The following EEFSEC variants were observed in gnomAD, a reference collection of about 807,000 sequenced individuals.
EEFSEC encodes eukaryotic elongation factor, selenocysteine-tRNA specific, also known as selenocysteine-specific elongation factor.
EEFSEC carries 43 observed loss-of-function variants against 42.1 expected under a neutral mutation model. The observed-to-expected ratio is 1.02, with a 90% CI of 0.80 to 1.32. The LOEUF (loss-of-function observed/expected upper bound fraction) is 1.32. Ranked by LOEUF, EEFSEC falls within the 40% of genes most tolerant of loss-of-function variation. The pLI, the probability that EEFSEC is intolerant of heterozygous loss-of-function variation, is 0.00. For missense variants in EEFSEC, 745 were observed against 803.6 expected (o/e 0.93, Z 0.88); for synonymous variants, 354 against 339.1 (o/e 1.04, Z -0.48).
chr3:128,264,506 C>T lies in EEFSEC; in HGVS notation c.622-111C>T, dbSNP rs889769406. The stretch of plus-strand genomic sequence containing the variant: ...AGGGCATGGACCTCTGAGCTGAGTT[C>T]ACCTTGGCAGCCTTGATGAACTGCT... On this transcript the variant is annotated intron_variant, in intron 3 of 6. Transcript: ENST00000254730. The T allele has an allele frequency of 4.7e-6, 6 of 1,288,746 alleles. No homozygotes were observed. The Admixed American group carries it at 8.2e-5, about 18-fold the overall frequency. 79.8% of individuals were successfully genotyped at this position (1,288,746 alleles called of 1,614,324 possible).
chr3:128,420,776 C>A, the EEFSEC span, among the ~76,000 whole-genome samples: 3 of 152,212 alleles, frequency 2.0e-5, no homozygotes, highest in Non-Finnish European at 2.9e-5. Flanking sequence ...CTCCTGCCAC[C>A]CTGGCTGGGC....
intron 1 of EEFSEC, among the ~76,000 whole-genome samples, chr3:128,162,320 G>A (rs1161128445): frequency 6.6e-6 from 1 of 152,192 alleles, no homozygotes; most frequent in African/African-American, 2.4e-5. Context: ...GCTGACACTG[G>A]AGTTGCTTGC....
At position 128,262,033 on chromosome 3, in the gene EEFSEC, A is replaced by C. The variant is rs1576589013; in HGVS notation, c.525-95A>C. On this transcript the variant is annotated intron_variant, in intron 2 of 6. Transcript: ENST00000254730. ...GATGTGGGGAGAGAAGAGGATGCTC[A>C]CTGCACTTGGTACTGTGCCAGGTGC... The C allele has an allele frequency of 5.4e-6, 6 of 1,110,116 alleles. No individual in the cohort carries two copies. In the South Asian group the frequency reaches 8.0e-5, roughly 15 times the overall value. 68.8% of individuals were successfully genotyped at this position (1,110,116 alleles called of 1,614,324 possible). A position where few individuals can be genotyped will look rare whatever the true frequency, so the allele number is the denominator to read the frequency against.
chr3:128,297,156 G>A (rs1232088218), intron 4 of EEFSEC, among the ~76,000 whole-genome samples: 1 of 152,046 alleles, frequency 6.6e-6, no homozygotes, highest in Non-Finnish European at 1.5e-5. Context: ...TGCCAACTTG[G>A]GCCTGAGAGG....
Position 128,190,629 on chromosome 3 carries a change from G to A in EEFSEC, c.316+36806G>A, listed in dbSNP as rs183906240. ...AAAATGTTTTTATTATAAATTTAGT[G>A]TTGTCTAAGTGTCCATTGTTTGTAG... On this transcript the variant is annotated intron_variant, in intron 1 of 6. Transcript: ENST00000254730. Among the ~76,000 whole-genome samples the A allele has an allele frequency of 2.4e-3, 358 of 152,210 alleles. 13 individuals carry two copies. The highest frequency in any genetic ancestry group is 3.4e-3 in the Middle Eastern group (1 of 292).
At chr3:128,198,570 G>A (rs1217945764) in intron 1 of EEFSEC, among the ~76,000 whole-genome samples, 2 of 152,202 alleles carry the variant, frequency 1.3e-5, no homozygotes, top group Non-Finnish European at 2.9e-5. Flanking sequence ...GTAAAAACCA[G>A]TGACAGGGCC....
intron 2 of EEFSEC, among the ~76,000 whole-genome samples, chr3:128,250,525 C>T (rs1043730226): frequency 5.3e-5 from 8 of 152,082 alleles, no homozygotes; most frequent in East Asian, 3.8e-4. Flanking sequence ...CCCCTTTTAA[C>T]TTTGTAAAAA....
chr3:128,338,646 A>G (rs1271529514), intron 4 of EEFSEC, among the ~76,000 whole-genome samples: 2 of 152,220 alleles, frequency 1.3e-5, no homozygotes, highest in Admixed American at 1.3e-4. Context: ...GATTCATTCA[A>G]GAGTCCCTTG....
At chr3:128,242,654 A>C (rs1303705023) in intron 1 of EEFSEC, among the ~76,000 whole-genome samples, 1 of 152,170 alleles carries the variant, frequency 6.6e-6, no homozygotes, top group Non-Finnish European at 1.5e-5. Flanking sequence ...TTAAATGCTG[A>C]CCCTTGTAAG....
intron 4 of EEFSEC, among the ~76,000 whole-genome samples, chr3:128,296,235 G>A (rs1415834480): frequency 2.0e-5 from 3 of 152,128 alleles, no homozygotes; most frequent in Non-Finnish European, 4.4e-5. Flanking sequence ...CGTAATCCAC[G>A]TAGGATCTTG....
intron 4 of EEFSEC, among the ~76,000 whole-genome samples, chr3:128,328,284 T>C (rs1322749845): frequency 4.6e-5 from 7 of 151,822 alleles, no homozygotes; most frequent in Non-Finnish European, 8.8e-5. Flanking sequence ...GGGAGGTGAG[T>C]GCAGGGGTGA....
the EEFSEC span, among the ~76,000 whole-genome samples, chr3:128,417,770 C>T: frequency 2.6e-5 from 4 of 152,214 alleles, no homozygotes; most frequent in East Asian, 7.7e-4. The surrounding 1 kb of genome is among the most constrained non-coding windows in gnomAD (Gnocchi z 4.3). Flanking sequence ...CTGTTACTGG[C>T]CACACTGTCC....
At chr3:128,161,366 T>G (rs1243189257) in intron 1 of EEFSEC, among the ~76,000 whole-genome samples, 2 of 152,186 alleles carry the variant, frequency 1.3e-5, no homozygotes, top group Non-Finnish European at 2.9e-5. Context: ...CTTGGCAATT[T>G]ATAGTCCTCT....
the EEFSEC span, among the ~76,000 whole-genome samples, chr3:128,421,682 G>GA: frequency 6.7e-6 from 1 of 149,506 alleles, no homozygotes; most frequent in African/African-American, 2.5e-5. Context: ...TGAGCGGGGT[G>GA]GGGGGGCGCA....
At chr3:128,165,400 A>G (rs1323596516) in intron 1 of EEFSEC, among the ~76,000 whole-genome samples, 1 of 152,058 alleles carries the variant, frequency 6.6e-6, no homozygotes, top group African/African-American at 2.4e-5. Flanking sequence ...TCTCCCCTCG[A>G]TTATTTGAGT....
chr3:128,387,183 CAG>C (rs1282091919), intron 6 of EEFSEC, among the ~76,000 whole-genome samples: 2 of 152,164 alleles, frequency 1.3e-5, no homozygotes, highest in African/African-American at 4.8e-5. Context: ...GCAGGGGTCA[CAG>C]GGGTATGGGA....
In EEFSEC at chr3:128,279,108, C is replaced by T. The variant is rs117072317; in HGVS notation, c.786+14327C>T. 6.4e-3 allele frequency among the ~76,000 whole-genome samples: 978 copies of T among 152,256 alleles called. 26 individuals carry two copies. In the East Asian group the frequency reaches 0.074, roughly 11 times the overall value. Reference sequence around the variant, plus strand: ...AGGGAAGGCCGGCCGCCAGAGGGAACGCTGCCAAGCAGAGCGCAGCTAATG... The same window carrying T: ...AGGGAAGGCCGGCCGCCAGAGGGAATGCTGCCAAGCAGAGCGCAGCTAATG... On this transcript the variant is annotated intron_variant, in intron 4 of 6. Transcript: ENST00000254730.
Position 128,244,493 on chromosome 3 carries a change from G to A in EEFSEC, c.317-2343G>A, listed in dbSNP as rs868252363. Among the ~76,000 whole-genome samples the A allele has an allele frequency of 2.7e-5, 4 of 150,614 alleles. 1 individual carries two copies. The Middle Eastern group carries it at 0.014, about 512-fold the overall frequency. On this transcript the variant is annotated intron_variant, in intron 1 of 6. Coordinates refer to ENST00000254730, the MANE Select transcript of EEFSEC (RefSeq NM_021937.5). ...AGTCTTTTTTTTTTTTTTTTCCAGT[G>A]GACAGTGGGGCTCTTAGCATGAGAA...
intron 1 of EEFSEC, among the ~76,000 whole-genome samples, chr3:128,157,823 TGCA>T: frequency 6.6e-6 from 1 of 152,372 alleles, no homozygotes; most frequent in African/African-American, 2.4e-5. Context: ...GCATCCATTC[TGCA>T]GTGTATGGGT....
Sources: gnomAD v4.1 joint callset for allele counts (sites outside exome capture counted in the v4.1 genomes callset) on GRCh38, gnomAD v4.1.1 for gene constraint, Gnocchi (gnomAD v3.1) non-coding constraint, MANE v1.5 for transcripts, NCBI Gene and HGNC (gene_info 2026-07-23, HGNC 2026-07-21) for gene names.